The following DNAAF4 variants were observed in gnomAD, a reference collection of about 807,000 sequenced individuals.
DNAAF4 encodes the protein dynein axonemal assembly factor 4.
In DNAAF4, 43 loss-of-function variants were observed where a neutral mutation model predicts 51.8. The ratio of observed to expected loss-of-function variants is 0.83; its 90% CI spans 0.65 to 1.07. DNAAF4 has a LOEUF of 1.07. Among genes scored for constraint, DNAAF4 ranks in the 50% least tolerant of loss-of-function variants. The pLI is 0.00. For missense variants in DNAAF4, 581 were observed against 493.0 expected (o/e 1.18, Z -1.69); for synonymous variants, 194 against 165.6 (o/e 1.17, Z -1.32).
intron 6 of DNAAF4, among the ~76,000 whole-genome samples, chr15:55,444,510 T>C (rs2057765281): frequency 6.6e-6 from 1 of 152,222 alleles, no homozygotes. Context: ...TGGCTTAGGA[T>C]TGTCTTGGCA....
At chr15:55,439,899 G>T (rs779432250) in intron 6 of DNAAF4, among the ~76,000 whole-genome samples, 1 of 152,082 alleles carries the variant, frequency 6.6e-6, no homozygotes, top group South Asian at 2.1e-4. Flanking sequence ...GTGGGTGTCC[G>T]CAAGTTATGA....
At chr15:55,419,897 G>A (rs2057373815) in intron 7 of DNAAF4, among the ~76,000 whole-genome samples, 1 of 152,096 alleles carries the variant, frequency 6.6e-6, no homozygotes, top group African/African-American at 2.4e-5. Flanking sequence ...AGCTACTTTG[G>A]GAGGCTGAGG....
chr15:55,489,638 G>A (rs2058541865), intron 4 of DNAAF4, among the ~76,000 whole-genome samples: 1 of 140,690 alleles, frequency 7.1e-6, no homozygotes, highest in South Asian at 2.3e-4. Context: ...TCTCACCACT[G>A]CACTCCAGCC....
intron 6 of DNAAF4, among the ~76,000 whole-genome samples, chr15:55,444,149 T>G (rs960905614): frequency 2.6e-5 from 4 of 152,170 alleles, no homozygotes; most frequent in Admixed American, 2.0e-4. Flanking sequence ...ATTGTCTAGG[T>G]TTTCTTCTAG....
chr15:55,428,949 C>T (rs531053623), downstream of DNAAF4, among the ~76,000 whole-genome samples: 17 of 151,328 alleles, frequency 1.1e-4, no homozygotes, highest in Admixed American at 5.3e-4. Context: ...AGGCCAGGCG[C>T]GGGGGGTCTT....
At chr15:55,501,123 G>T (rs2058695323) in intron 1 of DNAAF4, among the ~76,000 whole-genome samples, 1 of 151,674 alleles carries the variant, frequency 6.6e-6, no homozygotes, top group African/African-American at 2.4e-5. Context: ...GAGTGCAGTG[G>T]CGCGATCTCG....
chr15:55,432,960 A>G (rs1242572932), intron 8 of DNAAF4, among the ~76,000 whole-genome samples: 1 of 151,560 alleles, frequency 6.6e-6, no homozygotes, highest in Non-Finnish European at 1.5e-5. Flanking sequence ...AAAAAAAACA[A>G]AAACAAAAAA....
At chr15:55,440,616 T>C (rs1418212505) in intron 6 of DNAAF4, among the ~76,000 whole-genome samples, 1 of 151,786 alleles carries the variant, frequency 6.6e-6, no homozygotes, top group Non-Finnish European at 1.5e-5. Flanking sequence ...TCTGCCCACC[T>C]CGGCCTCCCA....
At chr15:55,478,658 A>G (rs555879946) in intron 4 of DNAAF4, among the ~76,000 whole-genome samples, 1 of 152,334 alleles carries the variant, frequency 6.6e-6, no homozygotes, top group Non-Finnish European at 1.5e-5. Context: ...CAACTATAAG[A>G]GAAGAACTCC....
chr15:55,447,425 G>A (rs554656310), intron 6 of DNAAF4, among the ~76,000 whole-genome samples: 9 of 152,092 alleles, frequency 5.9e-5, no homozygotes, highest in East Asian at 3.9e-4. Flanking sequence ...CAAGGCAGGC[G>A]GCTGGGAGGT....
chr15:55,429,599 C>A (rs147809659), downstream of DNAAF4, among the ~76,000 whole-genome samples: 10 of 151,120 alleles, frequency 6.6e-5, no homozygotes, highest in African/African-American at 2.2e-4. Context: ...GGGTGGATCA[C>A]GAAATCAGGA....
chr15:55,466,471 T>A lies in DNAAF4; in HGVS notation c.637+459A>T, dbSNP rs1420371656. ...TATCTGTTTTTGAATACACCAAGAT[T>A]AAAAGCTAGAAGCAATCTTTATTTG... On this transcript the variant is annotated intron_variant, in intron 5 of 9. Coordinates refer to ENST00000321149, the MANE Select transcript of DNAAF4 (RefSeq NM_130810.4). Among the ~76,000 whole-genome samples, 4 of 152,328 alleles carry A rather than the reference T, an allele frequency of 2.6e-5. No homozygotes were observed. In the East Asian group the frequency reaches 7.7e-4, roughly 29 times the overall value.
intron 3 of DNAAF4, 91 bp downstream of exon 3, chr15:55,497,621 A>G (rs2058658037): frequency 7.0e-7 from 1 of 1,436,948 alleles, no homozygotes; most frequent in East Asian, 2.3e-5. Flanking sequence ...ATCTTCCCCT[A>G]CACAATATAG....
chr15:55,482,464 G>A (rs2058425233), intron 4 of DNAAF4, among the ~76,000 whole-genome samples: 1 of 152,130 alleles, frequency 6.6e-6, no homozygotes, highest in East Asian at 1.9e-4. Context: ...ATCACCTGAG[G>A]TCAAGAGTTA....
At chr15:55,496,811 T>C (rs1162683248) in intron 3 of DNAAF4, among the ~76,000 whole-genome samples, 1 of 152,116 alleles carries the variant, frequency 6.6e-6, no homozygotes, top group African/African-American at 2.4e-5. Context: ...GCTGCTTTCA[T>C]ATAGCGATCA....
chr15:55,491,016 A>G, intron 4 of DNAAF4, 107 bp downstream of exon 4: 1 of 1,375,726 alleles, frequency 7.3e-7, no homozygotes, highest in Non-Finnish European at 1.0e-6. Flanking sequence ...AGTCCTCTAA[A>G]CAAAGTATGA....
At chr15:55,436,065 G>A (rs1478683037) in intron 7 of DNAAF4, among the ~76,000 whole-genome samples, 1 of 152,218 alleles carries the variant, frequency 6.6e-6, no homozygotes, top group African/African-American at 2.4e-5. Context: ...TGGGATTACA[G>A]GCGTGAGCCA....
chr15:55,443,045 G>A (rs2057739268), intron 6 of DNAAF4: 1 of 1,610,890 alleles, frequency 6.2e-7, no homozygotes, highest in Non-Finnish European at 8.5e-7. Context: ...TGTGACACTT[G>A]TTCTTCTTTC....
intron 4 of DNAAF4, among the ~76,000 whole-genome samples, chr15:55,473,028 T>G (rs1478131825): frequency 6.6e-6 from 1 of 151,354 alleles, no homozygotes; most frequent in East Asian, 1.9e-4. Flanking sequence ...TAGCTAGGTG[T>G]GGTAGCGCAC....
Sources: gnomAD v4.1 joint callset for allele counts (sites outside exome capture counted in the v4.1 genomes callset) on GRCh38, gnomAD v4.1.1 for gene constraint, MANE v1.5 for transcripts, NCBI Gene and HGNC (gene_info 2026-07-23, HGNC 2026-07-21) for gene names.